Variants in EBF1 observed in about 807,000 individuals in gnomAD.
EBF1 encodes EBF transcription factor 1, also known as transcription factor COE1.
In EBF1, 10 loss-of-function variants were observed where a neutral mutation model predicts 68.4. The ratio of observed to expected loss-of-function variants is 0.15; its 90% confidence interval spans 0.09 to 0.25. EBF1 has a LOEUF of 0.25. EBF1 is among the 10% of genes least tolerant of loss of function. EBF1 has a pLI of 1.00. For synonymous variants in EBF1, 298 were observed against 299.8 expected (o/e 0.99, Z 0.06); for missense variants, 509 against 794.4 (o/e 0.64, Z 4.32).
rs373321443 is a variant in EBF1 at position 158,978,779 on chromosome 5, TAC to T, written c.554+94615_554+94616del. On this transcript the variant is annotated intron_variant, in intron 6 of 15. Coordinates refer to ENST00000313708, the MANE Select transcript of EBF1 (RefSeq NM_024007.5). ...TTCTTGAAGGTAAAAGAATTGAAGATACACACACACACACACATACACACACA... is the reference window on the plus strand; with the variant it reads ...TTCTTGAAGGTAAAAGAATTGAAGATACACACACACACACATACACACACA... Among the ~76,000 whole-genome samples the T allele has an allele frequency of 4.5e-3, 586 of 129,780 alleles. 4 individuals carry two copies. Among genetic ancestry groups the T allele is most frequent in the African/African-American group, 0.015 (521 of 33,980 alleles). The allele number at this position is 129,780 out of a possible 152,430, so 85.1% of individuals were successfully genotyped here. A position where few individuals can be genotyped will look rare whatever the true frequency, so the allele number is the denominator to read the frequency against.
chr5:158,918,504 C>G (rs78057016), intron 6 of EBF1, among the ~76,000 whole-genome samples: 1 of 151,476 alleles, frequency 6.6e-6, no homozygotes, highest in Non-Finnish European at 1.5e-5. Flanking sequence ...ATTAGTGTTA[C>G]GAGACAGAGA....
chr5:158,818,181 C>T (rs78280604), intron 8 of EBF1, among the ~76,000 whole-genome samples: 8,513 of 152,246 alleles, frequency 0.056, 314 homozygotes, highest in East Asian at 0.16. Context: ...CTTCTATCCT[C>T]TTGTTAGGAC....
In EBF1 at chr5:158,865,346, T is replaced by C. The variant is rs73300048; in HGVS notation, c.555-25236A>G. On this transcript the variant is annotated intron_variant, in intron 6 of 15. Transcript: ENST00000313708. The stretch of plus-strand genomic sequence containing the variant: ...GTTCCAGTCTGGGCCCTACCACTTA[T>C]CAGTTGTGTGATCATAACCAAGTCA... 1.4e-3 allele frequency among the ~76,000 whole-genome samples: 212 copies of C among 152,314 alleles called. 1 individual carries two copies. Among genetic ancestry groups the C allele is most frequent in the African/African-American group, 4.9e-3 (203 of 41,572 alleles).
At chr5:159,049,927 C>G (rs1381645440) in intron 6 of EBF1, among the ~76,000 whole-genome samples, 1 of 152,158 alleles carries the variant, frequency 6.6e-6, no homozygotes, top group Admixed American at 6.5e-5. Context: ...CAAATTCATT[C>G]AATTTGGTGG....
intron 7 of EBF1, among the ~76,000 whole-genome samples, chr5:158,823,989 A>G (rs1187275269): frequency 6.6e-6 from 1 of 152,096 alleles, no homozygotes; most frequent in African/African-American, 2.4e-5. Context: ...CACTGAAACC[A>G]TCTCATAAAG....
intron 10 of EBF1, among the ~76,000 whole-genome samples, chr5:158,769,635 CAACAGTATTT>C (rs1773481371): frequency 6.6e-6 from 1 of 151,916 alleles, no homozygotes; most frequent in South Asian, 2.1e-4. Flanking sequence ...ATTATGACAC[CAACAGTATTT>C]AACTGTACAA....
intron 6 of EBF1, among the ~76,000 whole-genome samples, chr5:158,945,166 T>C (rs559703197): frequency 6.6e-6 from 1 of 152,340 alleles, no homozygotes; most frequent in South Asian, 2.1e-4. Flanking sequence ...TCCTAAATGG[T>C]ATTGCCTAGA....
At chr5:158,721,251 C>T (rs1400913419) in intron 11 of EBF1, among the ~76,000 whole-genome samples, 1 of 152,088 alleles carries the variant, frequency 6.6e-6, no homozygotes, top group African/African-American at 2.4e-5. Flanking sequence ...TGGAGGTAAA[C>T]CAGAAAGCCT....
intron 7 of EBF1, among the ~76,000 whole-genome samples, chr5:158,838,925 A>G (rs1246585269): frequency 6.6e-6 from 1 of 152,158 alleles, no homozygotes; most frequent in Non-Finnish European, 1.5e-5. Flanking sequence ...AGGGTCTAAA[A>G]CTTTGCAACT....
intron 10 of EBF1, among the ~76,000 whole-genome samples, chr5:158,735,214 A>C (rs1057008223): frequency 6.6e-6 from 1 of 152,278 alleles, no homozygotes; most frequent in East Asian, 1.9e-4. Flanking sequence ...CAGAGCTGGG[A>C]TGCAGCTCAG....
chr5:159,025,864 T>C lies in EBF1; in HGVS notation c.554+47532A>G, dbSNP rs73818910. The stretch of plus-strand genomic sequence containing the variant: ...AAGTTTTACCTTTGGAAAAAAGCCC[T>C]GGGCAATTCAAGTGAAGCAACAACT... On this transcript the variant is annotated intron_variant, in intron 6 of 15. Transcript: ENST00000313708. 5.3e-3 allele frequency among the ~76,000 whole-genome samples: 800 copies of C among 152,352 alleles called. 8 individuals carry two copies. Among genetic ancestry groups the C allele is most frequent in the African/African-American group, 0.018 (760 of 41,572 alleles).
intron 6 of EBF1, among the ~76,000 whole-genome samples, chr5:158,993,189 G>C (rs1207476449): frequency 6.6e-6 from 1 of 151,680 alleles, no homozygotes; most frequent in Non-Finnish European, 1.5e-5. Flanking sequence ...CGGGATTACA[G>C]GTGCACGCTG....
At chr5:158,804,486 T>G (rs755870116) in intron 8 of EBF1, among the ~76,000 whole-genome samples, 13 of 152,136 alleles carry the variant, frequency 8.5e-5, no homozygotes, top group Admixed American at 3.9e-4. Context: ...GCAAGCGCTT[T>G]TGGATTCCTG....
intron 6 of EBF1, among the ~76,000 whole-genome samples, chr5:158,948,239 C>G (rs1373428821): frequency 2.0e-5 from 3 of 152,124 alleles, no homozygotes; most frequent in Admixed American, 2.0e-4. Context: ...CACACACATG[C>G]TTGTCTCTGT....
intron 6 of EBF1, among the ~76,000 whole-genome samples, chr5:158,862,748 C>T (rs1795184264): frequency 1.3e-5 from 2 of 152,112 alleles, no homozygotes; most frequent in South Asian, 4.1e-4. Context: ...AAACTGCATC[C>T]TTTGCAAAGT....
chr5:159,086,267 A>T (rs1584514168), intron 4 of EBF1, among the ~76,000 whole-genome samples: 1 of 152,176 alleles, frequency 6.6e-6, no homozygotes, highest in Non-Finnish European at 1.5e-5. Context: ...CATGCCCTAA[A>T]TACTTCAGCC....
chr5:158,940,531 T>C (rs1403690918), intron 6 of EBF1, among the ~76,000 whole-genome samples: 1 of 152,064 alleles, frequency 6.6e-6, no homozygotes, highest in Non-Finnish European at 1.5e-5. Flanking sequence ...TGGCAAGTGG[T>C]GAAGCTGGGA....
At chr5:159,087,128 T>G (rs1780777959) in intron 4 of EBF1, among the ~76,000 whole-genome samples, 1 of 151,840 alleles carries the variant, frequency 6.6e-6, no homozygotes, top group Non-Finnish European at 1.5e-5. Flanking sequence ...TAATAATCTC[T>G]GTTTCAGCTT....
chr5:158,768,717 C>T (rs1267331403), intron 10 of EBF1, among the ~76,000 whole-genome samples: 1 of 152,070 alleles, frequency 6.6e-6, no homozygotes, highest in Non-Finnish European at 1.5e-5. Flanking sequence ...AACGAATAAT[C>T]CTCCATCAAA....
Sources: allele counts gnomAD v4.1 joint callset (sites outside exome capture counted in the v4.1 genomes callset), GRCh38; gene constraint gnomAD v4.1.1; transcripts MANE v1.5; gene names NCBI Gene and HGNC (gene_info 2026-07-23, HGNC 2026-07-21).